Variants in PCDHA2 observed in about 807,000 individuals in gnomAD.
The protein encoded by PCDHA2 is protocadherin alpha 2, also known as protocadherin alpha-2.
PCDHA2 carries 58 observed loss-of-function variants against 66.0 expected under a neutral mutation model. The observed-to-expected ratio is 0.88, with a 90% CI of 0.71 to 1.09. The LOEUF (loss-of-function observed/expected upper bound fraction) is 1.09, where lower values mean the gene tolerates loss of function less well. Ranked by LOEUF, PCDHA2 falls within the 50% of genes least tolerant of loss-of-function variation. The probability of loss-of-function intolerance (pLI) is 0.00; values close to 1 mark genes in which losing one functional copy is unlikely to be tolerated. For missense variants in PCDHA2, 1,267 were observed against 1,242.3 expected (o/e 1.02, Z -0.30); for synonymous variants, 634 against 554.0 (o/e 1.14, Z -2.03).
At chr5:140,965,066 G>A (rs931765352) in intron 1 of PCDHA2, among the ~76,000 whole-genome samples, 3 of 152,164 alleles carry the variant, frequency 2.0e-5, no homozygotes, top group Non-Finnish European at 4.4e-5. Flanking sequence ...CAAATGTCAG[G>A]TCTCACTCTG....
At chr5:140,968,124 G>T (rs202202452) in intron 1 of PCDHA2, 1 of 1,614,126 alleles carries the variant, frequency 6.2e-7, no homozygotes, top group Non-Finnish European at 8.5e-7. Flanking sequence ...ACATCCCTGC[G>T]TACACTGAAG....
intron 1 of PCDHA2, chr5:140,850,913 T>G: frequency 6.5e-7 from 1 of 1,539,368 alleles, no homozygotes; most frequent in East Asian, 2.3e-5. Flanking sequence ...GCATTTTATT[T>G]ATTTATATAA....
intron 1 of PCDHA2, chr5:140,835,322 T>C: frequency 6.2e-7 from 1 of 1,613,282 alleles, no homozygotes; most frequent in Non-Finnish European, 8.5e-7. Context: ...TTGAAGAAAG[T>C]AGAGCACACA....
At position 140,920,535 on chromosome 5, in the gene PCDHA2, T is replaced by C. The variant is rs75447697; in HGVS notation, c.2389-58414T>C. ...TATGCAATTCGTTAGACTCAGGTTT[T>C]CTATTTCACCTTCGAAGTGTGGCCC... is the stretch of plus-strand genomic sequence containing the variant. On this transcript the variant is annotated intron_variant, in intron 1 of 3. Transcript: ENST00000526136. Among the ~76,000 whole-genome samples the C allele has an allele frequency of 1.3e-3, 198 of 152,336 alleles. 1 individual carries two copies. Among genetic ancestry groups the C allele is most frequent in the African/African-American group, 4.5e-3 (189 of 41,590 alleles).
chr5:140,894,253 T>C (rs1554186000), intron 1 of PCDHA2, among the ~76,000 whole-genome samples: 1 of 152,112 alleles, frequency 6.6e-6, no homozygotes, highest in Non-Finnish European at 1.5e-5. Context: ...TTCTTTTCTT[T>C]ACAAGTGGTA....
chr5:140,801,932 G>T, intron 1 of PCDHA2: 4 of 1,614,160 alleles, frequency 2.5e-6, no homozygotes, highest in Non-Finnish European at 3.4e-6. Flanking sequence ...TTGAGAGGAC[G>T]ATCTATAAAG....
chr5:140,943,006 C>A (rs1314561126), intron 1 of PCDHA2, among the ~76,000 whole-genome samples: 2 of 151,932 alleles, frequency 1.3e-5, no homozygotes, highest in East Asian at 3.9e-4. Flanking sequence ...CCTGTAATCC[C>A]AGCACTTTGG....
chr5:140,919,120 C>G (rs1554198933), intron 1 of PCDHA2, among the ~76,000 whole-genome samples: 2 of 152,008 alleles, frequency 1.3e-5, no homozygotes, highest in African/African-American at 4.8e-5. Context: ...CCAGTTTTTG[C>G]TTCATGTGTT....
At chr5:140,922,068 A>C (rs1554200634) in intron 1 of PCDHA2, among the ~76,000 whole-genome samples, 1 of 152,196 alleles carries the variant, frequency 6.6e-6, no homozygotes, top group African/African-American at 2.4e-5. Context: ...TAGCAATCCC[A>C]CTAAGCAAAA....
intron 1 of PCDHA2, among the ~76,000 whole-genome samples, chr5:140,912,549 A>G (rs2075971399): frequency 6.6e-6 from 1 of 152,152 alleles, no homozygotes; most frequent in East Asian, 1.9e-4. Context: ...TTGTCAGCAA[A>G]CAGCAACAGT....
intron 1 of PCDHA2, chr5:140,834,683 G>T: frequency 6.2e-7 from 1 of 1,614,256 alleles, no homozygotes; most frequent in South Asian, 1.1e-5. Flanking sequence ...GGCGGAGCGC[G>T]GAGTGCAGCA....
At chr5:140,878,103 G>GA (rs748975221) in intron 1 of PCDHA2, 34 of 261,730 alleles carry the variant, frequency 1.3e-4, no homozygotes, top group Non-Finnish European at 2.0e-4. Context: ...GATGAACCTT[G>GA]AAAAAAACAG....
intron 1 of PCDHA2, among the ~76,000 whole-genome samples, chr5:140,800,443 A>G (rs1762554001): frequency 1.3e-5 from 2 of 152,234 alleles, no homozygotes; most frequent in Non-Finnish European, 2.9e-5. Flanking sequence ...CTGTAATAAC[A>G]TAAAAGTAGA....
At position 140,870,948 on chromosome 5, in the gene PCDHA2, C is replaced by T. The variant is rs868931274; in HGVS notation, c.2388+73596C>T. ...CATATGAATTGCAGCCGGCGGCGGG[C>T]GGCTCGCGCATCCCGTTCCGCGTGG... On this transcript the variant is annotated intron_variant, in intron 1 of 3. Coordinates refer to ENST00000526136, the MANE Select transcript of PCDHA2 (RefSeq NM_018905.3). 3.0e-5 allele frequency: 49 copies of T among 1,613,584 alleles called. 1 individual carries two copies. The Middle Eastern group carries it at 7.0e-3, about 229-fold the overall frequency.
chr5:140,876,774 G>A lies in PCDHA2; in HGVS notation c.2388+79422G>A, dbSNP rs370558767. 5.3e-5 allele frequency: 85 copies of A among 1,614,110 alleles called. No homozygotes were observed. The South Asian group carries it at 8.5e-4, about 16-fold the overall frequency. ...CTGCGCGGGATGGGGGCTCGCCTTC[G>A]CTGTGGGCCACGGCTAGAGTGTCCG... is the stretch of plus-strand genomic sequence containing the variant. On this transcript the variant is annotated intron_variant, in intron 1 of 3. Coordinates refer to ENST00000526136, the MANE Select transcript of PCDHA2 (RefSeq NM_018905.3).
intron 1 of PCDHA2, among the ~76,000 whole-genome samples, chr5:140,838,783 A>G (rs1398229562): frequency 6.6e-6 from 1 of 152,002 alleles, no homozygotes; most frequent in Middle Eastern, 3.2e-3. Context: ...TTAGCTATGC[A>G]TGGTGATGCA....
At chr5:140,941,406 T>C (rs1381146519) in intron 1 of PCDHA2, among the ~76,000 whole-genome samples, 1 of 146,240 alleles carries the variant, frequency 6.8e-6, no homozygotes, top group Non-Finnish European at 1.5e-5. Context: ...AACCTCCGCC[T>C]CCCGGGTTCA....
Position 140,858,116 on chromosome 5 carries a change from G to A in PCDHA2, c.2388+60764G>A, listed in dbSNP as rs140097524. The A allele has an allele frequency of 1.6e-5, 26 of 1,597,882 alleles. 1 individual carries two copies. The Middle Eastern group carries it at 5.1e-4, about 31-fold the overall frequency. Reference sequence around the variant, plus strand: ...TTCAGTGGGCGTGGCGCCCGAGGTGGCCCTGGTGGATGTCAACGTGTACCT... The same window carrying A: ...TTCAGTGGGCGTGGCGCCCGAGGTGACCCTGGTGGATGTCAACGTGTACCT... On this transcript the variant is annotated intron_variant, in intron 1 of 3. Coordinates refer to ENST00000526136, the MANE Select transcript of PCDHA2 (RefSeq NM_018905.3).
chr5:140,822,567 C>A (rs2150117321), intron 1 of PCDHA2: 19 of 1,612,660 alleles, frequency 1.2e-5, no homozygotes, highest in East Asian at 2.2e-5. Flanking sequence ...TTAAACTGAA[C>A]GCCTCAGATG....
Sources: gnomAD v4.1 joint callset for allele counts (sites outside exome capture counted in the v4.1 genomes callset) on GRCh38, gnomAD v4.1.1 for gene constraint, MANE v1.5 for transcripts, NCBI Gene and HGNC (gene_info 2026-07-23, HGNC 2026-07-21) for gene names.